NAV2: variants seen among roughly 807,000 people sequenced by gnomAD.
NAV2 encodes helicase, APC down-regulated 1.
NAV2 carries 54 observed loss-of-function variants against 223.2 expected under a neutral mutation model. The ratio of observed to expected loss-of-function variants is 0.24; its 90% CI spans 0.19 to 0.30. The LOEUF is 0.30. Among genes scored for constraint, NAV2 ranks in the 10% least tolerant of loss-of-function variants. The pLI is 1.00. For synonymous variants in NAV2, 1,279 were observed against 1,239.3 expected (o/e 1.03, Z -0.67); for missense variants, 2,806 against 3,147.5 (o/e 0.89, Z 2.60).
At chr11:19,575,675 C>T (rs894869918) in intron 1 of NAV2, among the ~76,000 whole-genome samples, 3 of 152,212 alleles carry the variant, frequency 2.0e-5, no homozygotes, top group Non-Finnish European at 4.4e-5. Flanking sequence ...CACATAAGCC[C>T]TTTAAGGCAT....
intron 1 of NAV2, among the ~76,000 whole-genome samples, chr11:19,662,528 T>C (rs975938533): frequency 8.5e-5 from 13 of 152,244 alleles, no homozygotes; most frequent in Non-Finnish European, 2.9e-5. Flanking sequence ...TCAGAATCCA[T>C]GTGGGTCCCA....
At chr11:19,845,757 G>A (rs2060770496) in intron 3 of NAV2, among the ~76,000 whole-genome samples, 1 of 152,180 alleles carries the variant, frequency 6.6e-6, no homozygotes, top group Admixed American at 6.5e-5. Flanking sequence ...CTTCCCAGAG[G>A]ATAGGGAAGT....
chr11:19,846,570 C>T (rs1006285052), intron 3 of NAV2, among the ~76,000 whole-genome samples: 4 of 152,210 alleles, frequency 2.6e-5, no homozygotes, highest in Non-Finnish European at 5.9e-5. Flanking sequence ...CGGTTGGAAA[C>T]GGCTGTTAAT....
chr11:19,739,698 A>G (rs183022623), intron 1 of NAV2, among the ~76,000 whole-genome samples: 196 of 152,290 alleles, frequency 1.3e-3, no homozygotes, highest in Non-Finnish European at 2.1e-3. Flanking sequence ...CTTGGCCCCT[A>G]TGGGAATTTG....
In NAV2 at chr11:20,083,166, C is replaced by T. The variant is rs2060195019; in HGVS notation, c.5485C>T (p.His1829Tyr). 3 of 1,612,908 alleles carry T rather than the reference C, an allele frequency of 1.9e-6. No individual in the cohort carries two copies. Among genetic ancestry groups the T allele is most frequent in the Non-Finnish European group, 1.7e-6 (2 of 1,179,390 alleles). ...TGSTPLLRNS[H>Y]SNSLISECMD... ...TTCCACCCCACTGCTGAGGAATTCT[C>T]ACTCCAACTCTCTGTAAGTCTGTCT... The change falls in exon 26 of 38, where the codon CAC (histidine) becomes TAC (tyrosine). Residue 1829 changes from histidine (H) to tyrosine (Y), a missense_variant. Around this residue, in one of 4 missense-constraint regions of NAV2, gnomAD observed 824 missense variants for 1,069.4 expected, o/e 0.77. Transcript: ENST00000349880.
chr11:19,748,882 A>T (rs1396535246), intron 1 of NAV2, among the ~76,000 whole-genome samples: 2 of 152,232 alleles, frequency 1.3e-5, no homozygotes, highest in African/African-American at 4.8e-5. Flanking sequence ...GTGAGTGACC[A>T]TGATTAAAGA....
chr11:20,110,215 G>A (rs2062503222), intron 36 of NAV2, among the ~76,000 whole-genome samples: 3 of 152,230 alleles, frequency 2.0e-5, no homozygotes, highest in South Asian at 2.1e-4. Context: ...TCTTTCAAGA[G>A]TGTGGAGCTG....
At chr11:20,044,415 C>A in intron 13 of NAV2, 143 bp downstream of exon 13, 1 of 757,498 alleles carries the variant, frequency 1.3e-6, no homozygotes, top group Non-Finnish European at 2.1e-6. Context: ...ACTTTCACAT[C>A]CCTACCTTTT....
chr11:19,732,261 GA>G (rs59674883), intron 1 of NAV2, among the ~76,000 whole-genome samples: 407 of 135,468 alleles, frequency 3.0e-3, no homozygotes, highest in Non-Finnish European at 4.9e-3. Context: ...TCCGTCTCAA[GA>G]AAAAAAAAAA....
intron 1 of NAV2, among the ~76,000 whole-genome samples, chr11:19,638,838 C>CTAACT (rs1244312003): frequency 1.3e-5 from 2 of 152,046 alleles, no homozygotes; most frequent in African/African-American, 4.8e-5. Context: ...ACTAAAAATA[C>CTAACT]AAAAGTTAGC....
intron 6 of NAV2, among the ~76,000 whole-genome samples, chr11:19,909,613 A>G (rs1234072801): frequency 6.6e-6 from 1 of 152,110 alleles, no homozygotes; most frequent in African/African-American, 2.4e-5. Context: ...GCTGTAAAAC[A>G]TCTCATGGTT....
At chr11:19,828,477 T>TC (rs2059763912) in intron 1 of NAV2, among the ~76,000 whole-genome samples, 55 of 113,070 alleles carry the variant, frequency 4.9e-4, no homozygotes, top group African/African-American at 1.7e-3. Context: ...CACTTAGAAT[T>TC]ACGTTTTCAA....
intron 1 of NAV2, among the ~76,000 whole-genome samples, chr11:19,667,846 A>G (rs757652006): frequency 1.3e-5 from 2 of 152,230 alleles, no homozygotes; most frequent in Non-Finnish European, 2.9e-5. Context: ...AGGAATTTCA[A>G]CATAACTCAA....
chr11:19,561,034 C>A lies in NAV2; in HGVS notation c.75+210007C>A, dbSNP rs538822228. On this transcript the variant is annotated intron_variant, in intron 1 of 37. Coordinates refer to the NAV2 transcript ENST00000360655. ...TTCCAAACTTCCCTGACCTCAGACC[C>A]TCTTTTTCCGTTAAGACCAGTGTTC... Among the ~76,000 whole-genome samples, 3 of 152,344 alleles carry A rather than the reference C, an allele frequency of 2.0e-5. No homozygotes were observed. In the East Asian group the frequency reaches 5.8e-4, roughly 29 times the overall value.
chr11:19,743,961 G>A (rs1399028038), intron 1 of NAV2, among the ~76,000 whole-genome samples: 1 of 152,216 alleles, frequency 6.6e-6, no homozygotes, highest in East Asian at 1.9e-4. Flanking sequence ...TATTTGGGTT[G>A]TAGTATGCTT....
intron 1 of NAV2, among the ~76,000 whole-genome samples, chr11:19,774,855 A>G (rs1035640352): frequency 5.9e-5 from 9 of 152,102 alleles, no homozygotes; most frequent in Non-Finnish European, 7.4e-5. Flanking sequence ...TCCTTGTACC[A>G]TGAGTGGTAT....
intron 1 of NAV2, among the ~76,000 whole-genome samples, chr11:19,582,617 T>C (rs1402908946): frequency 6.6e-5 from 10 of 152,256 alleles, no homozygotes; most frequent in African/African-American, 1.9e-4. Flanking sequence ...ATTTATTAAA[T>C]AGGGAATCCT....
intron 1 of NAV2, among the ~76,000 whole-genome samples, chr11:19,452,406 C>T (rs1197184483): frequency 6.6e-6 from 1 of 152,178 alleles, no homozygotes; most frequent in African/African-American, 2.4e-5. Flanking sequence ...ACCATGCCCT[C>T]TCTGTCTTCC....
At chr11:19,808,076 T>C (rs201588030) in intron 1 of NAV2, among the ~76,000 whole-genome samples, 1 of 152,142 alleles carries the variant, frequency 6.6e-6, no homozygotes, top group East Asian at 1.9e-4. Flanking sequence ...TAACCTCTCT[T>C]AAAAACAGGA....
Sources: gnomAD v4.1 joint callset for allele counts (sites outside exome capture counted in the v4.1 genomes callset) on GRCh38, gnomAD v4.1.1 for gene constraint, gnomAD v4.1.1 regional missense constraint, MANE v1.5 for transcripts, NCBI Gene and HGNC (gene_info 2026-07-23, HGNC 2026-07-21) for gene names.